Variants in KIAA0040 observed in about 807,000 individuals in gnomAD.
The protein encoded by KIAA0040 is KIAA0040, also known as uncharacterized protein KIAA0040.
A neutral mutation model predicts 7.2 loss-of-function variants in KIAA0040; 10 were observed. The observed-to-expected ratio is 1.38, with a 90% CI of 0.85 to 2.34. The LOEUF (loss-of-function observed/expected upper bound fraction) is 2.34. Among genes scored for constraint, KIAA0040 ranks in the 30% most tolerant of loss-of-function variants. The pLI, the probability that KIAA0040 is intolerant of heterozygous loss-of-function variation, is 0.00. For missense variants in KIAA0040, 89 were observed against 108.2 expected, an observed-to-expected ratio of 0.82 and a Z score of 0.79; for synonymous variants, 49 against 40.1, an observed-to-expected ratio of 1.22 and a Z score of -0.84.
intron 2 of KIAA0040, among the ~76,000 whole-genome samples, chr1:175,176,723 A>ATTTTTTTTTTT (rs1677215036): frequency 1.8e-5 from 1 of 56,002 alleles, no homozygotes; most frequent in Non-Finnish European, 3.7e-5. Flanking sequence ...TCTTTCTTTG[A>ATTTTTTTTTTT]TATAGATGAC....
chr1:175,160,582 G>A lies in KIAA0040; in HGVS notation c.*132C>T, dbSNP rs550943961. The A allele has an allele frequency of 8.9e-6, 8 of 894,340 alleles. No homozygotes were observed. The African/African-American group carries it at 1.4e-4, about 15-fold the overall frequency. 55.4% of individuals were successfully genotyped at this position (894,340 alleles called of 1,614,324 possible). A position where few individuals can be genotyped will look rare whatever the true frequency, so the allele number is the denominator to read the frequency against. On this transcript the variant is annotated 3_prime_UTR_variant, in exon 4 of 4. Transcript: ENST00000423313. ...CCTCCACTGGGACACTTAGTCTGAGGTTTGTTCCTTGGTTGAGTAGTTACT... is the reference window on the plus strand; with the variant it reads ...CCTCCACTGGGACACTTAGTCTGAGATTTGTTCCTTGGTTGAGTAGTTACT...
At chr1:175,176,606 A>C (rs1393584106) in intron 2 of KIAA0040, 1 of 148,976 alleles carries the variant, frequency 6.7e-6, no homozygotes, top group African/African-American at 2.5e-5. Context: ...GAATGCAGAG[A>C]ACATATATGA....
rs913405570 is a variant in KIAA0040, at chr1:175,157,130, T to C, written c.*3584A>G. ...ACAGTTTTTGCCCTAGTGGCTACTA[T>C]AGAGGTTTTTGATCCCTCCTTTCCC... is the stretch of plus-strand genomic sequence containing the variant. On this transcript the variant is annotated 3_prime_UTR_variant, in exon 4 of 4. Transcript: ENST00000423313. 1 of 152,170 alleles carries C rather than the reference T, an allele frequency of 6.6e-6. No homozygotes were observed. The highest frequency in any genetic ancestry group is 2.4e-5 in the African/African-American group (1 of 41,422). The allele number at this position is 152,170 out of a possible 1,614,324, so 9.4% of individuals were successfully genotyped here. A position where few individuals can be genotyped will look rare whatever the true frequency, so the allele number is the denominator to read the frequency against.
chr1:175,172,530 C>A (rs566249925), intron 2 of KIAA0040, among the ~76,000 whole-genome samples: 3 of 152,296 alleles, frequency 2.0e-5, no homozygotes, highest in African/African-American at 7.2e-5. Flanking sequence ...AGTGACTGCA[C>A]CACTGCACTC....
chr1:175,170,938 G>A (rs1676967824), intron 2 of KIAA0040, among the ~76,000 whole-genome samples: 3 of 152,100 alleles, frequency 2.0e-5, no homozygotes, highest in Non-Finnish European at 4.4e-5. Context: ...CCCTGCCATC[G>A]TCTGGCCCCT....
At chr1:175,180,161 G>T (rs1371286034) in intron 1 of KIAA0040, among the ~76,000 whole-genome samples, 1 of 152,138 alleles carries the variant, frequency 6.6e-6, no homozygotes, top group Non-Finnish European at 1.5e-5. Flanking sequence ...CAGAGCCCCT[G>T]CTCTGTGCCC....
At position 175,158,317 on chromosome 1, in the gene KIAA0040, AT is replaced by A. The variant is rs1676376457; in HGVS notation, c.*2396del. 6.6e-6 allele frequency: 1 copy of A among 152,102 alleles called. No individual in the cohort carries two copies. The highest frequency in any genetic ancestry group is 1.5e-5 in the Non-Finnish European group (1 of 68,030). The allele number at this position is 152,102 out of a possible 1,614,324, so 9.4% of individuals were successfully genotyped here. On this transcript the variant is annotated 3_prime_UTR_variant, in exon 4 of 4. Coordinates refer to ENST00000423313, the MANE Select transcript of KIAA0040 (RefSeq NM_014656.3). Reference sequence around the variant, plus strand: ...CCTGGGGTGAGAGCAAGTCCATTGGATTAGGAGACAGCAGGGACATTGTGCC... The same window carrying A: ...CCTGGGGTGAGAGCAAGTCCATTGGATAGGAGACAGCAGGGACATTGTGCC...
At chr1:175,179,455 T>C (rs1399702679) in intron 1 of KIAA0040, among the ~76,000 whole-genome samples, 2 of 152,130 alleles carry the variant, frequency 1.3e-5, no homozygotes, top group African/African-American at 2.4e-5. Context: ...GATACCACAA[T>C]TAAAAAAACT....
chr1:175,180,907 A>C (rs1448220102), intron 1 of KIAA0040, among the ~76,000 whole-genome samples: 1 of 152,246 alleles, frequency 6.6e-6, no homozygotes, highest in Non-Finnish European at 1.5e-5. Flanking sequence ...GCTAGTGTGC[A>C]GTGGCACAAT....
At chr1:175,169,463 A>G (rs1676899857) in intron 2 of KIAA0040, among the ~76,000 whole-genome samples, 1 of 152,204 alleles carries the variant, frequency 6.6e-6, no homozygotes, top group Non-Finnish European at 1.5e-5. Flanking sequence ...CAGTAGAAGT[A>G]GAGTGCCTCA....
rs1273185820 is a variant in KIAA0040 at position 175,161,057 on chromosome 1, A to T, written c.-44T>A. The T allele has an allele frequency of 6.6e-7, 1 of 1,510,780 alleles. No homozygotes were observed. Among genetic ancestry groups the T allele is most frequent in the Admixed American group, 2.2e-5 (1 of 46,204 alleles). The allele number at this position is 1,510,780 out of a possible 1,614,324, so 93.6% of individuals were successfully genotyped here. On this transcript the variant is annotated 5_prime_UTR_variant, in exon 4 of 4. In the 5' UTR this introduces an upstream ATG that the reference lacks. Coordinates refer to ENST00000423313, the MANE Select transcript of KIAA0040 (RefSeq NM_014656.3). The stretch of plus-strand genomic sequence containing the variant: ...GGCCAGAGAACCCTCTCGGCTTACA[A>T]GCAGGTCCTGGGCTCAAAAGGATGC...
chr1:175,161,847 A>T (rs2285219), intron 3 of KIAA0040, among the ~76,000 whole-genome samples: 60,280 of 151,948 alleles, frequency 0.4, 12,387 homozygotes, highest in Non-Finnish European at 0.45. Context: ...CTGGCTTTCC[A>T]CTTTCTACCT....
intron 3 of KIAA0040, among the ~76,000 whole-genome samples, chr1:175,161,393 G>A (rs1352794612): frequency 1.3e-5 from 2 of 152,124 alleles, no homozygotes; most frequent in Non-Finnish European, 2.9e-5. Context: ...ATCAGGTCTG[G>A]CACGTAGGAA....
chr1:175,171,477 G>A (rs1305050712), intron 2 of KIAA0040, among the ~76,000 whole-genome samples: 1 of 152,186 alleles, frequency 6.6e-6, no homozygotes. Flanking sequence ...CATCTGTCAG[G>A]CAAACCAGGT....
intron 1 of KIAA0040, among the ~76,000 whole-genome samples, chr1:175,190,260 C>T (rs900033601): frequency 1.3e-5 from 2 of 152,166 alleles, no homozygotes; most frequent in South Asian, 2.1e-4. Flanking sequence ...AAGCCTTGAG[C>T]GTTCGGAGAA....
At chr1:175,161,328 A>G (rs1403597413) in intron 3 of KIAA0040, among the ~76,000 whole-genome samples, 182 bp from the exon 4 acceptor site, 1 of 152,228 alleles carries the variant, frequency 6.6e-6, no homozygotes, top group Non-Finnish European at 1.5e-5. Context: ...GCATCAACTA[A>G]TTCTTGCTAT....
rs1010806744 is a variant in KIAA0040 at position 175,177,655 on chromosome 1, A to C, written c.-354T>G. On this transcript the variant is annotated 5_prime_UTR_variant, in exon 2 of 4. Coordinates refer to ENST00000423313, the MANE Select transcript of KIAA0040 (RefSeq NM_014656.3). ...AGGTCACTCAGCTGCTTTGAGTCTCAGTTTCTTCATCTCCAAAATGGGGAA... is the reference window on the plus strand; with the variant it reads ...AGGTCACTCAGCTGCTTTGAGTCTCCGTTTCTTCATCTCCAAAATGGGGAA... The C allele has an allele frequency of 6.6e-6, 1 of 152,248 alleles. No homozygotes were observed. The highest frequency in any genetic ancestry group is 6.5e-5 in the Admixed American group (1 of 15,288). The allele number at this position is 152,248 out of a possible 1,614,324, so 9.4% of individuals were successfully genotyped here.
rs1676445035 is a variant in KIAA0040 at position 175,159,655 on chromosome 1, A to G, written c.*1059T>C. On this transcript the variant is annotated 3_prime_UTR_variant, in exon 4 of 4. Coordinates refer to ENST00000423313, the MANE Select transcript of KIAA0040 (RefSeq NM_014656.3). ...TGTTGCCTTCTGTGAGACTGCACTG[A>G]TGATTGTCTAGTTCCTTCCCTGCTG... 1 of 152,244 alleles carries G rather than the reference A, an allele frequency of 6.6e-6. No individual in the cohort carries two copies. Among genetic ancestry groups the G allele is most frequent in the African/African-American group, 2.4e-5 (1 of 41,446 alleles). 9.4% of individuals were successfully genotyped at this position (152,244 alleles called of 1,614,324 possible). A position where few individuals can be genotyped will look rare whatever the true frequency, so the allele number is the denominator to read the frequency against.
At chr1:175,185,693 C>T (rs938855709) in intron 1 of KIAA0040, among the ~76,000 whole-genome samples, 20 of 152,178 alleles carry the variant, frequency 1.3e-4, no homozygotes, top group African/African-American at 4.8e-4. Context: ...AATTCCATTC[C>T]TAGGTTTATG....
Sources: gnomAD v4.1 joint callset for allele counts (sites outside exome capture counted in the v4.1 genomes callset) on GRCh38, gnomAD v4.1.1 for gene constraint, MANE v1.5 for transcripts, NCBI Gene and HGNC (gene_info 2026-07-23, HGNC 2026-07-21) for gene names.